The following RANBP17 variants were observed in gnomAD, a reference collection of about 807,000 sequenced individuals.
RANBP17 encodes the protein RAN binding protein 17, also known as ran-binding protein 17.
A neutral mutation model predicts 141.2 loss-of-function variants in RANBP17; 158 were observed. The ratio of observed to expected loss-of-function variants is 1.12; its 90% CI spans 0.98 to 1.28. The LOEUF (loss-of-function observed/expected upper bound fraction) is 1.28. RANBP17 is among the 50% of genes most tolerant of loss of function. The pLI is 0.00. For missense variants in RANBP17, 1,438 were observed against 1,290.7 expected (o/e 1.11, Z -1.75); for synonymous variants, 430 against 450.0 (o/e 0.96, Z 0.56).
chr5:171,158,451 T>C (rs1197393387), intron 14 of RANBP17: 1 of 189,434 alleles, frequency 5.3e-6, no homozygotes, highest in African/African-American at 2.3e-5. Context: ...TGACACCCAT[T>C]ACAAAATTGG....
chr5:170,952,051 C>T (rs1775254304), intron 12 of RANBP17, among the ~76,000 whole-genome samples: 1 of 151,832 alleles, frequency 6.6e-6, no homozygotes, highest in Admixed American at 6.6e-5. Context: ...TGAAGATCAC[C>T]TACTCCATAT....
intron 13 of RANBP17, among the ~76,000 whole-genome samples, chr5:170,956,834 G>A (rs1775739538): frequency 6.6e-6 from 1 of 151,708 alleles, no homozygotes; most frequent in African/African-American, 2.4e-5. Context: ...CACTTTGGGA[G>A]GCCAAGGTGG....
chr5:170,885,898 C>A (rs184979608), intron 3 of RANBP17, among the ~76,000 whole-genome samples: 2 of 145,438 alleles, frequency 1.4e-5, no homozygotes, highest in East Asian at 4.0e-4. Context: ...CATCCACAGT[C>A]TCTTTCATGA....
chr5:171,250,614 C>A (rs2128003356), intron 24 of RANBP17, among the ~76,000 whole-genome samples: 1 of 151,992 alleles, frequency 6.6e-6, no homozygotes, highest in African/African-American at 2.4e-5. Flanking sequence ...TGGCAGTAAA[C>A]ACATATAGAG....
chr5:170,862,912 C>G (rs1204193488), intron 1 of RANBP17, among the ~76,000 whole-genome samples: 1 of 152,138 alleles, frequency 6.6e-6, no homozygotes, highest in Non-Finnish European at 1.5e-5. Context: ...GTCACAGTAT[C>G]ATAGCACAGA....
chr5:170,878,385 A>C, intron 2 of RANBP17, 142 bp downstream of exon 2: 1 of 648,182 alleles, frequency 1.5e-6, no homozygotes, highest in Admixed American at 3.9e-5. Context: ...TTCACTGTCA[A>C]AGGGGTTAAT....
intron 24 of RANBP17, chr5:171,252,683 G>A: frequency 1.4e-6 from 2 of 1,451,402 alleles, no homozygotes; most frequent in South Asian, 2.3e-5. Context: ...AACACTTCAG[G>A]TGATGCCACC....
intron 25 of RANBP17, among the ~76,000 whole-genome samples, chr5:171,289,260 T>A (rs1768341753): frequency 6.6e-6 from 1 of 152,180 alleles, no homozygotes. Flanking sequence ...CTTTTTCCAT[T>A]TTCTCAGCCT....
At chr5:171,096,730 A>G (rs1260138291) in intron 14 of RANBP17, among the ~76,000 whole-genome samples, 1 of 152,168 alleles carries the variant, frequency 6.6e-6, no homozygotes, top group Non-Finnish European at 1.5e-5. Context: ...TAATGTAACC[A>G]GGATAGGGCC....
chr5:170,884,961 T>A (rs75139034), intron 3 of RANBP17, among the ~76,000 whole-genome samples: 1 of 152,114 alleles, frequency 6.6e-6, no homozygotes, highest in Admixed American at 6.6e-5. Context: ...AGGTGTAGGT[T>A]TCTCCCTTGT....
chr5:171,200,425 C>T (rs753490084), intron 19 of RANBP17, among the ~76,000 whole-genome samples: 16 of 152,142 alleles, frequency 1.1e-4, no homozygotes, highest in Admixed American at 7.2e-4. Flanking sequence ...GTGTAGCAAG[C>T]TGTCTGTGAC....
chr5:171,242,587 A>G (rs1764949203), intron 23 of RANBP17, 95 bp from the exon 24 acceptor site: 1 of 1,308,036 alleles, frequency 7.6e-7, no homozygotes, highest in African/African-American at 1.5e-5. Flanking sequence ...AAATAAGTTT[A>G]CAATTTCCAG....
At chr5:171,036,787 G>A (rs1006708925) in intron 14 of RANBP17, among the ~76,000 whole-genome samples, 1 of 152,146 alleles carries the variant, frequency 6.6e-6, no homozygotes, top group African/African-American at 2.4e-5. Flanking sequence ...TTTTATGGCT[G>A]TGTGGTATTC....
intron 14 of RANBP17, among the ~76,000 whole-genome samples, chr5:171,093,290 A>T (rs751175987): frequency 2.6e-5 from 4 of 152,128 alleles, no homozygotes; most frequent in Non-Finnish European, 4.4e-5. Context: ...GTGGACTGTA[A>T]GCTACTTGAG....
At chr5:171,013,232 A>G (rs926052579) in intron 14 of RANBP17, among the ~76,000 whole-genome samples, 2 of 152,064 alleles carry the variant, frequency 1.3e-5, no homozygotes, top group Admixed American at 1.3e-4. Flanking sequence ...TATGGCCCAA[A>G]CTGCTGCTTT....
At chr5:171,049,072 G>A (rs1164943517) in intron 14 of RANBP17, among the ~76,000 whole-genome samples, 18 of 152,140 alleles carry the variant, frequency 1.2e-4, no homozygotes, top group Admixed American at 1.2e-3. Flanking sequence ...TTCCACAATG[G>A]CTGAACTAAT....
chr5:170,970,653 A>G (rs1298880588), intron 14 of RANBP17: 1 of 152,136 alleles, frequency 6.6e-6, no homozygotes, highest in East Asian at 1.9e-4. Flanking sequence ...GCAAAAATTT[A>G]AAAAATTCCA....
intron 3 of RANBP17, among the ~76,000 whole-genome samples, chr5:170,882,697 G>C (rs919461742): frequency 6.6e-6 from 1 of 152,128 alleles, no homozygotes; most frequent in African/African-American, 2.4e-5. Context: ...AAAATCATTT[G>C]GGGTATATGT....
chr5:171,256,249 C>T (rs1765883231), intron 24 of RANBP17, among the ~76,000 whole-genome samples: 1 of 152,156 alleles, frequency 6.6e-6, no homozygotes, highest in African/African-American at 2.4e-5. Flanking sequence ...AGTCACTTAA[C>T]CTCTCTGTGC....
Sources: gnomAD v4.1 joint callset for allele counts (sites outside exome capture counted in the v4.1 genomes callset) on GRCh38, gnomAD v4.1.1 for gene constraint, MANE v1.5 for transcripts, NCBI Gene and HGNC (gene_info 2026-07-23, HGNC 2026-07-21) for gene names.